CHODL: variants seen among roughly 807,000 people sequenced by gnomAD.
CHODL encodes transmembrane protein MT75.
A neutral mutation model predicts 34.5 loss-of-function variants in CHODL; 29 were observed. The ratio of observed to expected loss-of-function variants is 0.84; its 90% CI spans 0.63 to 1.15. The LOEUF (loss-of-function observed/expected upper bound fraction) is 1.15. Among genes scored for constraint, CHODL ranks in the 50% most tolerant of loss-of-function variants. The probability of loss-of-function intolerance (pLI) is 0.00; values close to 1 mark genes in which losing one functional copy is unlikely to be tolerated. For synonymous variants in CHODL, 125 were observed against 116.1 expected, an observed-to-expected ratio of 1.08 and a Z score of -0.49; for missense variants, 332 against 332.5, an observed-to-expected ratio of 1.00 and a Z score of 0.01.
intron 2 of CHODL, among the ~76,000 whole-genome samples, chr21:18,144,770 G>A (rs2072848007): frequency 6.6e-6 from 1 of 151,256 alleles, no homozygotes; most frequent in African/African-American, 2.4e-5. Context: ...TTCTTTCTAT[G>A]GTATCATTGA....
chr21:18,260,263 A>G lies in CHODL; in HGVS notation c.611A>G (p.Gln204Arg). 4.4e-6 allele frequency: 7 copies of G among 1,590,514 alleles called. No homozygotes were observed. Among genetic ancestry groups the G allele is most frequent in the Non-Finnish European group, 5.1e-6 (6 of 1,169,982 alleles). ...YLTNQPGDTH[Q>R]NVVVTEAGII... The stretch of plus-strand genomic sequence containing the variant: ...ACAAATCAACCAGGAGACACCCATC[A>G]GAATGTGGTTGTTACTGAAGCAGGT... The change falls in exon 4 of 6, where the codon CAG (glutamine) becomes CGG (arginine). Residue 204 changes from glutamine (Q) to arginine (R), a missense_variant. Physicochemically the swap from Gln to Arg is conservative, Grantham distance 43 (BLOSUM62 1). Transcript: ENST00000299295.
At chr21:17,927,072 G>A (rs1314038288) in intron 1 of CHODL, among the ~76,000 whole-genome samples, 11 of 148,664 alleles carry the variant, frequency 7.4e-5, no homozygotes, top group Admixed American at 6.7e-4. Flanking sequence ...GTATGTATAT[G>A]TATATCTGTG....
intron 2 of CHODL, among the ~76,000 whole-genome samples, chr21:18,208,833 A>G (rs1419344490): frequency 1.3e-5 from 2 of 151,560 alleles, no homozygotes; most frequent in East Asian, 1.9e-4. Context: ...CTTTCTCCCA[A>G]ACAGAGTCAT....
At chr21:18,260,511 C>A (rs1247478060) in intron 4 of CHODL, among the ~76,000 whole-genome samples, 1 of 152,058 alleles carries the variant, frequency 6.6e-6, no homozygotes, top group Non-Finnish European at 1.5e-5. Flanking sequence ...ACTAAGTGAT[C>A]CACATTAAAA....
At chr21:17,997,678 G>C (rs956116673) in intron 1 of CHODL, among the ~76,000 whole-genome samples, 1 of 152,146 alleles carries the variant, frequency 6.6e-6, no homozygotes, top group African/African-American at 2.4e-5. Flanking sequence ...GGTGGCAAGA[G>C]AAAAATGAGG....
intron 1 of CHODL, among the ~76,000 whole-genome samples, chr21:18,018,037 G>T (rs2064092072): frequency 6.6e-6 from 1 of 152,186 alleles, no homozygotes; most frequent in Non-Finnish European, 1.5e-5. Context: ...GCCCCTTTCT[G>T]TTGGCTGATT....
chr21:18,245,183 C>G lies in CHODL; in HGVS notation c.-41C>G. 6.7e-7 allele frequency: 1 copy of G among 1,494,246 alleles called. No individual in the cohort carries two copies. The highest frequency in any genetic ancestry group is 8.9e-7 in the Non-Finnish European group (1 of 1,123,724). The allele number at this position is 1,494,246 out of a possible 1,614,324, so 92.6% of individuals were successfully genotyped here. The stretch of plus-strand genomic sequence containing the variant: ...CGGGCTGCGCCCTGGGCAGAGGCCG[C>G]CCTCGCTCCACGCAACACCTGCTGC... On this transcript the variant is annotated 5_prime_UTR_variant, in exon 1 of 6. Transcript: ENST00000299295.
chr21:18,084,831 TG>T (rs1191924149), intron 2 of CHODL, among the ~76,000 whole-genome samples: 1 of 152,064 alleles, frequency 6.6e-6, no homozygotes, highest in African/African-American at 2.4e-5. Context: ...GCTTATTTTT[TG>T]TCTCGATGAT....
chr21:18,010,237 C>T (rs1356850817), intron 1 of CHODL, among the ~76,000 whole-genome samples: 4 of 120,818 alleles, frequency 3.3e-5, no homozygotes, highest in African/African-American at 1.3e-4. Context: ...GTGGAGCTTG[C>T]AGTGAGCCGA....
chr21:18,265,213 GTA>G (rs1465771822), intron 5 of CHODL, among the ~76,000 whole-genome samples: 2,744 of 145,304 alleles, frequency 0.019, 98 homozygotes, highest in African/African-American at 0.068. Flanking sequence ...ACACATATAT[GTA>G]TGTGTATATA....
At chr21:18,098,862 G>T (rs2065174096) in intron 2 of CHODL, among the ~76,000 whole-genome samples, 1 of 151,890 alleles carries the variant, frequency 6.6e-6, no homozygotes, top group Non-Finnish European at 1.5e-5. Context: ...AGGAACACGT[G>T]GTACATACAC....
chr21:17,940,353 A>G (rs1057059866), intron 1 of CHODL, among the ~76,000 whole-genome samples: 8 of 152,254 alleles, frequency 5.3e-5, no homozygotes, highest in African/African-American at 1.9e-4. Flanking sequence ...ATTCATACAA[A>G]GAAATACTAC....
chr21:18,048,001 C>A (rs1335312032), intron 2 of CHODL, among the ~76,000 whole-genome samples: 1 of 151,858 alleles, frequency 6.6e-6, no homozygotes, highest in Non-Finnish European at 1.5e-5. Context: ...GTCTACAGAA[C>A]GTTATACATT....
chr21:17,932,640 A>G (rs2063283716), intron 1 of CHODL, among the ~76,000 whole-genome samples: 1 of 152,242 alleles, frequency 6.6e-6, no homozygotes, highest in Non-Finnish European at 1.5e-5. Context: ...AGAAAGAATA[A>G]AATCATGTCT....
At chr21:18,048,552 AAAAG>A (rs1210091160) in intron 2 of CHODL, among the ~76,000 whole-genome samples, 12 of 151,922 alleles carry the variant, frequency 7.9e-5, no homozygotes, top group Admixed American at 2.0e-4. Flanking sequence ...ATGTAGCAGC[AAAAG>A]AAAGAAAGAA....
At chr21:18,222,501 T>G (rs2073893889) in intron 2 of CHODL, among the ~76,000 whole-genome samples, 1 of 152,162 alleles carries the variant, frequency 6.6e-6, no homozygotes, top group South Asian at 2.1e-4. Flanking sequence ...GGCAGCTCCT[T>G]ATACTATCCT....
intron 2 of CHODL, among the ~76,000 whole-genome samples, chr21:18,200,641 A>C (rs1203917471): frequency 6.6e-6 from 1 of 152,186 alleles, no homozygotes; most frequent in Non-Finnish European, 1.5e-5. Flanking sequence ...GAAGCAGCTC[A>C]ATTTTTTATT....
At chr21:18,164,386 T>A (rs910150819) in intron 2 of CHODL, among the ~76,000 whole-genome samples, 1 of 152,254 alleles carries the variant, frequency 6.6e-6, no homozygotes, top group Non-Finnish European at 1.5e-5. Context: ...AAGTAGGATC[T>A]AGACCACTCA....
At chr21:18,170,106 C>CT (rs2073209326) in intron 2 of CHODL, among the ~76,000 whole-genome samples, 1 of 151,730 alleles carries the variant, frequency 6.6e-6, no homozygotes, top group African/African-American at 2.4e-5. Context: ...CATTTTGGGG[C>CT]TTTTTTGGTG....
Sources: gnomAD v4.1 joint callset for allele counts (sites outside exome capture counted in the v4.1 genomes callset) on GRCh38, gnomAD v4.1.1 for gene constraint, MANE v1.5 for transcripts, NCBI Gene and HGNC (gene_info 2026-07-23, HGNC 2026-07-21) for gene names.